Variants in DPP6 observed in about 807,000 individuals in gnomAD.
DPP6 encodes the protein dipeptidyl peptidase like 6.
In DPP6, 69 loss-of-function variants were observed where a neutral mutation model predicts 122.6. The observed-to-expected ratio is 0.56, with a 90% CI of 0.46 to 0.69. The LOEUF (loss-of-function observed/expected upper bound fraction) is 0.69. Ranked by LOEUF, DPP6 falls within the 30% of genes least tolerant of loss-of-function variation. The pLI is 0.00. For missense variants in DPP6, 928 were observed against 1,116.9 expected, an observed-to-expected ratio of 0.83 and a Z score of 2.41; for synonymous variants, 418 against 433.1, an observed-to-expected ratio of 0.97 and a Z score of 0.43.
intron 1 of DPP6, among the ~76,000 whole-genome samples, chr7:154,014,097 C>G (rs1293662238): frequency 6.6e-6 from 1 of 151,868 alleles, no homozygotes; most frequent in Non-Finnish European, 1.5e-5. Context: ...GTCCTTTTGA[C>G]TGAAGCTGAC....
At chr7:153,881,999 CAG>C in the DPP6 span, among the ~76,000 whole-genome samples, 1 of 152,156 alleles carries the variant, frequency 6.6e-6, no homozygotes, top group Admixed American at 6.5e-5. Flanking sequence ...TCCTCAAGGA[CAG>C]GGACTGTTTT....
rs377655876 is a variant in DPP6 at position 153,923,528 on chromosome 7, A to G, written c.51+35794A>G. Reference sequence around the variant, plus strand: ...TGTAGTCCCAGCACTTTGGGAGGCCAAGGCGGGCAGATCATGAGGTCAGGA... The same window carrying G: ...TGTAGTCCCAGCACTTTGGGAGGCCGAGGCGGGCAGATCATGAGGTCAGGA... On this transcript the variant is annotated intron_variant, in intron 1 of 25. Coordinates refer to the DPP6 transcript ENST00000404039. Among the ~76,000 whole-genome samples, 922 of 152,144 alleles carry G rather than the reference A, an allele frequency of 6.1e-3. 8 individuals are homozygous for G. The highest frequency in any genetic ancestry group is 0.02 in the African/African-American group (829 of 41,508).
At chr7:153,889,599 C>T (rs1461895966) in intron 1 of DPP6, among the ~76,000 whole-genome samples, 3 of 152,190 alleles carry the variant, frequency 2.0e-5, no homozygotes, top group Non-Finnish European at 1.5e-5. Context: ...TCTTTGCCCT[C>T]CCCCTAACCC....
intron 9 of DPP6, among the ~76,000 whole-genome samples, chr7:154,770,443 G>A (rs951616820): frequency 1.1e-4 from 16 of 152,072 alleles, no homozygotes; most frequent in African/African-American, 3.9e-4. Context: ...GATTTGGGTG[G>A]GGACACAGTC....
intron 1 of DPP6, among the ~76,000 whole-genome samples, chr7:153,984,720 T>C (rs974190958): frequency 7.2e-5 from 11 of 152,298 alleles, no homozygotes; most frequent in Admixed American, 5.2e-4. Context: ...CATGAGGTTG[T>C]CATCATTTAA....
chr7:154,630,852 G>C (rs1015738841), intron 5 of DPP6, among the ~76,000 whole-genome samples: 1 of 152,142 alleles, frequency 6.6e-6, no homozygotes, highest in East Asian at 1.9e-4. Flanking sequence ...TTAAAACCTA[G>C]ATGACAGATT....
chr7:154,081,121 G>A (rs1347090347), intron 1 of DPP6, among the ~76,000 whole-genome samples: 4 of 151,902 alleles, frequency 2.6e-5, no homozygotes, highest in Non-Finnish European at 5.9e-5. Flanking sequence ...GGAGGCTTGA[G>A]CCACTTAGCA....
At chr7:153,958,311 A>T (rs1474312099) in intron 1 of DPP6, among the ~76,000 whole-genome samples, 2 of 152,192 alleles carry the variant, frequency 1.3e-5, no homozygotes, top group Admixed American at 6.5e-5. Flanking sequence ...TCATCTTCAC[A>T]GTATTTTTCC....
intron 1 of DPP6, among the ~76,000 whole-genome samples, chr7:154,255,241 A>G (rs952597812): frequency 2.0e-5 from 3 of 152,082 alleles, no homozygotes; most frequent in African/African-American, 7.2e-5. Flanking sequence ...CTCTGTGTCA[A>G]GAAAGAAGAA....
chr7:154,489,657 T>A (rs1308094606), intron 3 of DPP6, among the ~76,000 whole-genome samples: 1 of 152,146 alleles, frequency 6.6e-6, no homozygotes, highest in Non-Finnish European at 1.5e-5. Flanking sequence ...CAGGATCTTC[T>A]GTTCTCTCTC....
chr7:154,019,450 C>T (rs2129051429), intron 1 of DPP6, among the ~76,000 whole-genome samples: 1 of 150,762 alleles, frequency 6.6e-6, no homozygotes, highest in African/African-American at 2.4e-5. Flanking sequence ...CTCTTCCTTC[C>T]CTCCTTCCCT....
chr7:153,979,165 C>T (rs1391100576), intron 1 of DPP6, among the ~76,000 whole-genome samples: 1 of 152,032 alleles, frequency 6.6e-6, no homozygotes, highest in Non-Finnish European at 1.5e-5. Context: ...ATTGATTCTT[C>T]TTATCCATGA....
chr7:153,997,266 TG>T (rs1797486516), intron 1 of DPP6, among the ~76,000 whole-genome samples: 1 of 152,184 alleles, frequency 6.6e-6, no homozygotes. Context: ...GCACTGCTTC[TG>T]GCTTTGGGAT....
In DPP6 at chr7:153,944,775, C is replaced by T. The variant is rs538488900; in HGVS notation, c.51+57041C>T. On this transcript the variant is annotated intron_variant, in intron 1 of 25. Transcript: ENST00000404039. ...CCTCTTGAGTAGCTGGGATTACAGG[C>T]ACACACCACCACGCCTGGCTAATTT... is the stretch of plus-strand genomic sequence containing the variant. 7.7e-4 allele frequency among the ~76,000 whole-genome samples: 113 copies of T among 147,086 alleles called. 1 individual carries two copies. In the South Asian group the frequency reaches 0.021, roughly 28 times the overall value.
intron 1 of DPP6, among the ~76,000 whole-genome samples, chr7:153,976,921 C>T (rs553868912): frequency 5.9e-5 from 9 of 152,276 alleles, no homozygotes; most frequent in East Asian, 3.9e-4. Flanking sequence ...CCTTGCCACG[C>T]GGCTCTGTGG....
chr7:153,840,651 T>C, the DPP6 span, among the ~76,000 whole-genome samples: 6 of 152,210 alleles, frequency 3.9e-5, no homozygotes, highest in Non-Finnish European at 5.9e-5. Flanking sequence ...AAAGAGACTA[T>C]CTGAAGCTGA....
At chr7:154,819,562 T>G (rs1181730197) in intron 16 of DPP6, among the ~76,000 whole-genome samples, 1 of 152,238 alleles carries the variant, frequency 6.6e-6, no homozygotes, top group Non-Finnish European at 1.5e-5. Context: ...GATTTCCCAC[T>G]AGCCAGTTCA....
chr7:153,966,325 C>G (rs543567892), intron 1 of DPP6, among the ~76,000 whole-genome samples: 5 of 151,092 alleles, frequency 3.3e-5, no homozygotes, highest in Non-Finnish European at 5.9e-5. Context: ...GTAAATGGGC[C>G]TGGTGTTTGT....
At chr7:153,804,498 G>T in the DPP6 span, among the ~76,000 whole-genome samples, 1 of 152,148 alleles carries the variant, frequency 6.6e-6, no homozygotes, top group East Asian at 1.9e-4. Context: ...TGATGATATT[G>T]TTGCCATTGC....
Sources: allele counts gnomAD v4.1 joint callset (sites outside exome capture counted in the v4.1 genomes callset), GRCh38; gene constraint gnomAD v4.1.1; transcripts MANE v1.5; gene names NCBI Gene and HGNC (gene_info 2026-07-23, HGNC 2026-07-21).